PCDHA1: variants seen among roughly 807,000 people sequenced by gnomAD.
The protein encoded by PCDHA1 is protocadherin alpha-1.
A neutral mutation model predicts 61.3 loss-of-function variants in PCDHA1; 42 were observed. That is an observed-to-expected ratio of 0.69 (90% CI 0.54 to 0.89). The LOEUF (loss-of-function observed/expected upper bound fraction) is 0.89, where lower values mean the gene tolerates loss of function less well. Among genes scored for constraint, PCDHA1 ranks in the 40% least tolerant of loss-of-function variants. The pLI is 0.00. For synonymous variants in PCDHA1, 610 were observed against 553.8 expected, an observed-to-expected ratio of 1.10 and a Z score of -1.43; for missense variants, 1,256 against 1,235.3, an observed-to-expected ratio of 1.02 and a Z score of -0.25.
chr5:140,836,002 C>A (rs1302809722), intron 1 of PCDHA1: 14 of 1,613,124 alleles, frequency 8.7e-6, no homozygotes, highest in South Asian at 4.4e-5. Flanking sequence ...GCGCGCGATG[C>A]GGGCGTGCCG....
rs1422788962 is a variant in PCDHA1, at chr5:140,847,584, A to G, written c.2394+58900A>G. ...GCCCCGAGTACTAAGGATGAGCAAT[A>G]ATGAAATTAAAACATATTGTAATAA... On this transcript the variant is annotated intron_variant, in intron 1 of 3. Coordinates refer to ENST00000504120, the MANE Select transcript of PCDHA1 (RefSeq NM_018900.4). The G allele has an allele frequency of 1.1e-4, 16 of 149,668 alleles. No homozygotes were observed. In the Admixed American group the frequency reaches 1.1e-3, roughly 10 times the overall value. 9.3% of individuals were successfully genotyped at this position (149,668 alleles called of 1,614,324 possible).
Position 140,803,235 on chromosome 5 carries a change from T to C in PCDHA1, c.2394+14551T>C, listed in dbSNP as rs782475199. ...GAGTGGCCAGGCACCCAAGGCCTCG[T>C]CCCAGGCGTCCGCTGGCGCCACGGG... On this transcript the variant is annotated intron_variant, in intron 1 of 3. Coordinates refer to ENST00000504120, the MANE Select transcript of PCDHA1 (RefSeq NM_018900.4). 4 of 1,613,652 alleles carry C rather than the reference T, an allele frequency of 2.5e-6. No individual in the cohort carries two copies. The African/African-American group carries it at 5.3e-5, about 22-fold the overall frequency.
At chr5:141,004,449 A>G (rs2098166973) in intron 3 of PCDHA1, among the ~76,000 whole-genome samples, 1 of 152,180 alleles carries the variant, frequency 6.6e-6, no homozygotes. Flanking sequence ...GTCATATAGA[A>G]CCAGGAAGCT....
intron 3 of PCDHA1, among the ~76,000 whole-genome samples, chr5:141,006,117 T>C (rs2098255751): frequency 6.6e-6 from 1 of 152,094 alleles, no homozygotes; most frequent in African/African-American, 2.4e-5. Flanking sequence ...TTTTTTTTTT[T>C]TTCTCAAGGC....
intron 3 of PCDHA1, among the ~76,000 whole-genome samples, chr5:140,997,125 A>C (rs2097760835): frequency 6.6e-6 from 1 of 152,072 alleles, no homozygotes; most frequent in Admixed American, 6.6e-5. Context: ...CCACATACAC[A>C]ATGCCCCCAC....
chr5:140,968,029 G>C (rs1554230214), intron 1 of PCDHA1: 4 of 1,614,170 alleles, frequency 2.5e-6, no homozygotes, highest in South Asian at 2.2e-5. Context: ...CCTATACACT[G>C]GTGGTGAGCG....
chr5:140,985,643 A>G (rs564908892), intron 3 of PCDHA1, among the ~76,000 whole-genome samples: 1 of 151,200 alleles, frequency 6.6e-6, no homozygotes, highest in Non-Finnish European at 1.5e-5. Context: ...TCATCCCAAC[A>G]CTTGCAATGG....
intron 1 of PCDHA1, among the ~76,000 whole-genome samples, chr5:140,888,280 C>T (rs182771664): frequency 2.0e-5 from 3 of 152,210 alleles, no homozygotes; most frequent in African/African-American, 4.8e-5. Context: ...GTTTTGTCCC[C>T]TCTACCCCCT....
At chr5:140,836,095 G>C (rs2150252666) in intron 1 of PCDHA1, 6 of 1,613,694 alleles carry the variant, frequency 3.7e-6, no homozygotes, top group Non-Finnish European at 5.1e-6. Flanking sequence ...CCTCGGGTGG[G>C]TGGCACTGGT....
intron 1 of PCDHA1, chr5:140,807,246 T>G (rs1554123817): frequency 3.1e-6 from 5 of 1,614,008 alleles, no homozygotes; most frequent in Non-Finnish European, 4.2e-6. Flanking sequence ...TTACTTCTTC[T>G]CCTCGCAGCC....
chr5:140,924,754 G>T (rs1332624356), intron 1 of PCDHA1, among the ~76,000 whole-genome samples: 1 of 151,848 alleles, frequency 6.6e-6, no homozygotes, highest in African/African-American at 2.4e-5. Flanking sequence ...AATTAACCGA[G>T]CATGGTGGTG....
intron 1 of PCDHA1, chr5:140,864,231 T>G (rs949424981): frequency 2.0e-5 from 3 of 152,222 alleles, no homozygotes; most frequent in Non-Finnish European, 4.4e-5. Flanking sequence ...AAGCAAGTTC[T>G]TTATTCCTAT....
intron 1 of PCDHA1, chr5:140,824,225 A>G: frequency 1.3e-6 from 2 of 1,554,028 alleles, no homozygotes; most frequent in Non-Finnish European, 1.8e-6. Context: ...ATTATGTCTT[A>G]GTACACAAAT....
At position 140,848,444 on chromosome 5, in the gene PCDHA1, C is replaced by T. The variant is rs2150410443; in HGVS notation, c.2394+59760C>T. 2.3e-5 allele frequency: 35 copies of T among 1,498,894 alleles called. 1 individual carries two copies. Among genetic ancestry groups the T allele is most frequent in the Non-Finnish European group, 2.9e-5 (32 of 1,100,132 alleles). The allele number at this position is 1,498,894 out of a possible 1,614,324, so 92.8% of individuals were successfully genotyped here. On this transcript the variant is annotated intron_variant, in intron 1 of 3. Coordinates refer to ENST00000504120, the MANE Select transcript of PCDHA1 (RefSeq NM_018900.4). ...TGGGACTGACGAAATCAGATGATTT[C>T]TTCTAATTTGGAGGCAATTTTCACT... is the stretch of plus-strand genomic sequence containing the variant.
intron 1 of PCDHA1, chr5:140,884,570 G>A (rs1174925238): frequency 6.2e-7 from 1 of 1,614,074 alleles, no homozygotes; most frequent in Non-Finnish European, 8.5e-7. Flanking sequence ...GCATAAGACG[G>A]ACCTCATGGC....
At chr5:140,941,255 C>CTTTCTTTCTTTCTTTCTTTCTTTCTTTT (rs782490896) in intron 1 of PCDHA1, among the ~76,000 whole-genome samples, 1 of 44,508 alleles carries the variant, frequency 2.2e-5, no homozygotes, top group Non-Finnish European at 5.1e-5. Flanking sequence ...TTCTTTCTTT[C>CTTTCTTTCTTTCTTTCTTTCTTTCTTTT]TCTTTCTTTC....
intron 1 of PCDHA1, chr5:140,858,710 T>C (rs2150436389): frequency 5.6e-6 from 3 of 537,418 alleles, no homozygotes; most frequent in South Asian, 5.1e-5. Flanking sequence ...ATATGTGATA[T>C]AGGTTGCAGT....
chr5:140,809,596 T>G, intron 1 of PCDHA1: 2 of 1,533,028 alleles, frequency 1.3e-6, no homozygotes, highest in Non-Finnish European at 8.8e-7. Context: ...ATCCTTTTGT[T>G]TAATTTTCGT....
chr5:140,842,552 A>T, intron 1 of PCDHA1: 1 of 1,596,224 alleles, frequency 6.3e-7, no homozygotes, highest in Non-Finnish European at 8.6e-7. Flanking sequence ...GGTGCTGGAC[A>T]GCGCCCTGGA....
Sources: gnomAD v4.1 joint callset for allele counts (sites outside exome capture counted in the v4.1 genomes callset) on GRCh38, gnomAD v4.1.1 for gene constraint, MANE v1.5 for transcripts, NCBI Gene and HGNC (gene_info 2026-07-23, HGNC 2026-07-21) for gene names.